The following NAALADL2 variants were observed in gnomAD, a reference collection of about 807,000 sequenced individuals.
NAALADL2 encodes N-acetylated alpha-linked acidic dipeptidase like 2.
A neutral mutation model predicts 87.2 loss-of-function variants in NAALADL2; 76 were observed. The observed-to-expected ratio is 0.87, with a 90% CI of 0.72 to 1.05. The LOEUF (loss-of-function observed/expected upper bound fraction) is 1.05, where lower values mean the gene tolerates loss of function less well. Among genes scored for constraint, NAALADL2 ranks in the 50% least tolerant of loss-of-function variants. The probability of loss-of-function intolerance (pLI) is 0.00; values close to 1 mark genes in which losing one functional copy is unlikely to be tolerated. For missense variants in NAALADL2, 1,089 were observed against 945.8 expected (o/e 1.15, Z -1.99); for synonymous variants, 354 against 331.0 (o/e 1.07, Z -0.75).
chr3:175,443,525 G>A (rs1720174658), intron 5 of NAALADL2, among the ~76,000 whole-genome samples: 1 of 152,092 alleles, frequency 6.6e-6, no homozygotes, highest in South Asian at 2.1e-4. Context: ...ATGTCTGCTG[G>A]GGGAGAGTAT....
intron 2 of NAALADL2, among the ~76,000 whole-genome samples, chr3:174,705,058 G>C (rs1199823941): frequency 1.3e-5 from 2 of 152,096 alleles, no homozygotes; most frequent in Non-Finnish European, 2.9e-5. Context: ...AGTTTTTACA[G>C]TTCAGGGTCA....
At chr3:175,568,771 T>A (rs1204002339) in intron 9 of NAALADL2, among the ~76,000 whole-genome samples, 3 of 152,192 alleles carry the variant, frequency 2.0e-5, no homozygotes, top group African/African-American at 7.2e-5. Context: ...ATTACCTAAG[T>A]AACATACAAA....
intron 4 of NAALADL2, chr3:175,257,298 C>T (rs1395236783): frequency 6.6e-6 from 1 of 151,264 alleles, no homozygotes; most frequent in Admixed American, 6.6e-5. Flanking sequence ...GCTTTGCTAA[C>T]TCCCAGGTCC....
At chr3:175,007,303 G>A (rs893034739) in intron 1 of NAALADL2, among the ~76,000 whole-genome samples, 1 of 152,114 alleles carries the variant, frequency 6.6e-6, no homozygotes, top group African/African-American at 2.4e-5. Context: ...AGAATAGCTG[G>A]GAGAAATGGT....
chr3:174,673,249 T>A (rs1043717791), intron 2 of NAALADL2, among the ~76,000 whole-genome samples: 1 of 152,040 alleles, frequency 6.6e-6, no homozygotes, highest in African/African-American at 2.4e-5. Context: ...AGGTAACTGA[T>A]AGCATTTCTT....
intron 10 of NAALADL2, among the ~76,000 whole-genome samples, chr3:175,608,297 A>C (rs2149664541): frequency 6.6e-6 from 1 of 150,556 alleles, no homozygotes; most frequent in Non-Finnish European, 1.5e-5. Context: ...CATCATTTTT[A>C]TTAAAATATT....
At chr3:175,377,267 G>A (rs558867040) in intron 5 of NAALADL2, among the ~76,000 whole-genome samples, 10 of 152,206 alleles carry the variant, frequency 6.6e-5, no homozygotes, top group Non-Finnish European at 1.0e-4. Flanking sequence ...AGCTAAGATC[G>A]TGCCACTGAA....
chr3:175,355,108 G>A lies in NAALADL2; in HGVS notation c.1090+30783G>A, dbSNP rs143343695. Among the ~76,000 whole-genome samples, 233 of 148,244 alleles carry A rather than the reference G, an allele frequency of 1.6e-3. 1 individual carries two copies. Among genetic ancestry groups the A allele is most frequent in the African/African-American group, 5.2e-3 (206 of 39,934 alleles). ...CTTTGAGGCAGAGTCTTGCCCTGTC[G>A]CCCAGGCTGGAGTGCAGTTGCATGA... On this transcript the variant is annotated intron_variant, in intron 5 of 13. Transcript: ENST00000454872.
At chr3:175,383,676 A>G (rs1347092159) in intron 5 of NAALADL2, among the ~76,000 whole-genome samples, 1 of 152,000 alleles carries the variant, frequency 6.6e-6, no homozygotes, top group Non-Finnish European at 1.5e-5. Context: ...CTAACAGAGT[A>G]TAAGGGAAAA....
At chr3:175,430,991 A>T (rs1036566183) in intron 5 of NAALADL2, among the ~76,000 whole-genome samples, 14 of 152,112 alleles carry the variant, frequency 9.2e-5, no homozygotes, top group Non-Finnish European at 1.0e-4. Flanking sequence ...GATAATTTTG[A>T]AATCTTTGAA....
At chr3:175,599,081 G>A (rs1405389401) in intron 10 of NAALADL2, among the ~76,000 whole-genome samples, 1 of 152,056 alleles carries the variant, frequency 6.6e-6, no homozygotes. Flanking sequence ...GGCCTCAGTG[G>A]CAATAACATA....
chr3:174,963,195 A>G lies in NAALADL2; in HGVS notation c.43+103745A>G, dbSNP rs183000840. Among the ~76,000 whole-genome samples, 506 of 152,270 alleles carry G rather than the reference A, an allele frequency of 3.3e-3. 4 individuals carry two copies. Among genetic ancestry groups the G allele is most frequent in the African/African-American group, 0.012 (488 of 41,566 alleles). On this transcript the variant is annotated intron_variant, in intron 1 of 13. Transcript: ENST00000454872. ...GGAATCACTGATACTGAACAAAACAACTGAAGGTATTAGAAAACTTGGTGT... is the reference window on the plus strand; with the variant it reads ...GGAATCACTGATACTGAACAAAACAGCTGAAGGTATTAGAAAACTTGGTGT...
intron 4 of NAALADL2, among the ~76,000 whole-genome samples, chr3:175,310,398 A>G (rs981568452): frequency 9.2e-5 from 14 of 152,006 alleles, no homozygotes; most frequent in Non-Finnish European, 2.9e-5. Flanking sequence ...GACAATTTTG[A>G]AGGCAGTAGA....
At chr3:175,706,220 A>G (rs1258023278) in intron 11 of NAALADL2, among the ~76,000 whole-genome samples, 1 of 152,086 alleles carries the variant, frequency 6.6e-6, no homozygotes, top group African/African-American at 2.4e-5. Flanking sequence ...AGTATGCCCA[A>G]AATCTGTGAC....
At chr3:174,555,886 T>C (rs1712734217) in intron 2 of NAALADL2, among the ~76,000 whole-genome samples, 1 of 152,122 alleles carries the variant, frequency 6.6e-6, no homozygotes, top group Non-Finnish European at 1.5e-5. Context: ...TCTCAATTTC[T>C]GACGTGCTGT....
At chr3:175,399,546 A>G (rs928650767) in intron 5 of NAALADL2, among the ~76,000 whole-genome samples, 2 of 152,104 alleles carry the variant, frequency 1.3e-5, no homozygotes, top group East Asian at 3.9e-4. Flanking sequence ...ATAAAGTGTA[A>G]CTTCCTGATG....
chr3:175,234,007 G>A lies in NAALADL2; in HGVS notation c.622G>A (p.Gly208Ser). The part of the protein sequence containing the change: ...KKIKTQWTSL[G>S]LEDVQFVNYS... ...GATTAAGACTCAGTGGACCTCTTTG[G>A]GCCTAGAAGATGTACAGTTTGTAAA... Residue 208 changes from glycine (G) to serine (S), a missense_variant, in exon 3 of 14, where the codon GGC (glycine) becomes AGC (serine). Gly to Ser is a moderately conservative substitution (Grantham distance 56). Coordinates refer to ENST00000454872, the MANE Select transcript of NAALADL2 (RefSeq NM_207015.3). 1.9e-6 allele frequency: 3 copies of A among 1,613,230 alleles called. No homozygotes were observed. The highest frequency in any genetic ancestry group is 2.5e-6 in the Non-Finnish European group (3 of 1,179,338).
At chr3:175,338,622 AACACACACACACACACACACAC>A (rs202022603) in intron 5 of NAALADL2, among the ~76,000 whole-genome samples, 2 of 88,466 alleles carry the variant, frequency 2.3e-5, no homozygotes, top group African/African-American at 8.6e-5. Flanking sequence ...AAACACCACA[AACACACACACACACACACACAC>A]ACACACACAC....
chr3:175,222,351 C>T (rs1399976592), intron 2 of NAALADL2, among the ~76,000 whole-genome samples: 1 of 152,178 alleles, frequency 6.6e-6, no homozygotes, highest in Non-Finnish European at 1.5e-5. Context: ...ATGACTTACA[C>T]ATAGTAGGTG....
Sources: allele counts gnomAD v4.1 joint callset (sites outside exome capture counted in the v4.1 genomes callset), GRCh38; gene constraint gnomAD v4.1.1; transcripts MANE v1.5; gene names NCBI Gene and HGNC (gene_info 2026-07-23, HGNC 2026-07-21).